The following MTCL1 variants were observed in gnomAD, a reference collection of about 807,000 sequenced individuals.
MTCL1 encodes the protein microtubule crosslinking factor 1.
MTCL1 carries 79 observed loss-of-function variants against 141.4 expected under a neutral mutation model. The ratio of observed to expected loss-of-function variants is 0.56; its 90% confidence interval spans 0.47 to 0.67. MTCL1 has a LOEUF of 0.67. Ranked by LOEUF, MTCL1 falls within the 30% of genes least tolerant of loss-of-function variation. The probability of loss-of-function intolerance (pLI) is 0.00; values close to 1 mark genes in which losing one functional copy is unlikely to be tolerated. For missense variants in MTCL1, 2,177 were observed against 2,113.9 expected (o/e 1.03, Z -0.59); for synonymous variants, 914 against 875.8 (o/e 1.04, Z -0.77).
At chr18:8,790,125 C>CT (rs1367870289) in intron 7 of MTCL1, among the ~76,000 whole-genome samples, 1 of 152,220 alleles carries the variant, frequency 6.6e-6, no homozygotes, top group African/African-American at 2.4e-5. Flanking sequence ...CCCCAGTGAA[C>CT]TGGCTCAAGG....
chr18:8,733,785 G>T (rs1182473692), intron 4 of MTCL1, among the ~76,000 whole-genome samples: 1 of 152,116 alleles, frequency 6.6e-6, no homozygotes, highest in Non-Finnish European at 1.5e-5. Flanking sequence ...GGTGGGAGTG[G>T]GCCGGCCAGC....
chr18:8,776,441 C>T (rs1598605843), intron 4 of MTCL1, among the ~76,000 whole-genome samples: 1 of 152,286 alleles, frequency 6.6e-6, no homozygotes, highest in Non-Finnish European at 1.5e-5. Context: ...CCTCTAGGCC[C>T]CTTCACTCAT....
intron 10 of MTCL1, among the ~76,000 whole-genome samples, chr18:8,798,770 A>C (rs2076014525): frequency 6.6e-6 from 1 of 152,256 alleles, no homozygotes; most frequent in African/African-American, 2.4e-5. Flanking sequence ...ATGTATAAAG[A>C]GAGGTGAGAC....
intron 7 of MTCL1, 23 bp downstream of exon 6, chr18:8,786,114 C>T (rs1252164186): frequency 1.4e-5 from 20 of 1,387,364 alleles, no homozygotes; most frequent in Admixed American, 5.1e-5. Flanking sequence ...AAGCAATCCC[C>T]CCCCCCCGCC....
rs1192730898 is a variant in MTCL1, at chr18:8,732,194, C to T, written c.357+11698C>T. Reference sequence around the variant, plus strand: ...TGACCTCTTGGGCTCAAGGGATCTTCCTGCCTCACCCTCCCGAGTAGCTGA... The same window carrying T: ...TGACCTCTTGGGCTCAAGGGATCTTTCTGCCTCACCCTCCCGAGTAGCTGA... On this transcript the variant is annotated intron_variant, in intron 4 of 16. Coordinates refer to ENST00000359865, the Ensembl canonical transcript of MTCL1. Among the ~76,000 whole-genome samples, 6 of 152,266 alleles carry T rather than the reference C, an allele frequency of 3.9e-5. No homozygotes were observed. In the East Asian group the frequency reaches 1.2e-3, roughly 29 times the overall value.
At chr18:8,764,235 T>G in intron 4 of MTCL1, among the ~76,000 whole-genome samples, 1 of 152,180 alleles carries the variant, frequency 6.6e-6, no homozygotes, top group Non-Finnish European at 1.5e-5. Context: ...AGGGTAATAT[T>G]GCTTTTTATG....
chr18:8,722,421 A>G (rs2096179405), intron 4 of MTCL1, among the ~76,000 whole-genome samples: 1 of 152,174 alleles, frequency 6.6e-6, no homozygotes, highest in Non-Finnish European at 1.5e-5. Flanking sequence ...AATAATGTAT[A>G]TAGCTTTTGA....
chr18:8,708,176 T>G (rs2096068053), intron 1 of MTCL1, among the ~76,000 whole-genome samples: 1 of 152,220 alleles, frequency 6.6e-6, no homozygotes, highest in African/African-American at 2.4e-5. Flanking sequence ...CTTGTTGTTT[T>G]TGTATCCCTG....
rs1432706118 is a variant in MTCL1, at chr18:8,810,821, AC to A, written c.2605-2156del. 6.6e-6 allele frequency among the ~76,000 whole-genome samples: 1 copy of A among 152,138 alleles called. No individual in the cohort carries two copies. Among genetic ancestry groups the A allele is most frequent in the Non-Finnish European group, 1.5e-5 (1 of 68,026 alleles). On this transcript the variant is annotated intron_variant, in intron 11 of 16. Coordinates refer to ENST00000359865, the Ensembl canonical transcript of MTCL1. The surrounding 1 kb of genome is among the most constrained non-coding windows in gnomAD (Gnocchi z 5.0). The stretch of plus-strand genomic sequence containing the variant: ...TATAAATAATTGATCAAGAAGCGTC[AC>A]CACTGACCTGTGCCCGTGGCTGTCA...
intron 4 of MTCL1, among the ~76,000 whole-genome samples, chr18:8,771,186 G>A (rs1355920479): frequency 6.6e-6 from 1 of 151,964 alleles, no homozygotes; most frequent in Non-Finnish European, 1.5e-5. Context: ...ATGGGGTCTC[G>A]CAATGTTGCT....
intron 4 of MTCL1, among the ~76,000 whole-genome samples, chr18:8,736,899 G>A (rs927751197): frequency 1.3e-5 from 2 of 152,036 alleles, no homozygotes; most frequent in South Asian, 4.1e-4. Flanking sequence ...CACGGCCTCC[G>A]AAAGTGCTAG....
At chr18:8,784,761 C>G in exon 6 of MTCL1, 1 of 1,614,178 alleles carries the variant, frequency 6.2e-7, no homozygotes, top group Non-Finnish European at 8.5e-7. Context: ...ACAGAGTCCT[C>G]TAGCTTCCTC....
intron 4 of MTCL1, among the ~76,000 whole-genome samples, chr18:8,725,791 T>C (rs373587872): frequency 9.1e-5 from 1 of 11,026 alleles, no homozygotes; most frequent in Non-Finnish European, 1.6e-4. Flanking sequence ...TTTTTTTTTC[T>C]TTTTTTTTTT....
At chr18:8,717,166 G>T (rs2096133988), upstream of MTCL1, among the ~76,000 whole-genome samples, 1 of 152,200 alleles carries the variant, frequency 6.6e-6, no homozygotes, top group Admixed American at 6.5e-5. Flanking sequence ...AGACAAGCTT[G>T]CTCCCCTCTG....
intron 11 of MTCL1, 36 bp from the exon 11 acceptor site, chr18:8,812,943 C>A: frequency 6.3e-7 from 1 of 1,584,030 alleles, no homozygotes; most frequent in South Asian, 1.2e-5. Context: ...CAAGACTTGT[C>A]AGAGAGGGAA....
At chr18:8,731,284 T>A (rs2096249251) in intron 4 of MTCL1, among the ~76,000 whole-genome samples, 1 of 150,250 alleles carries the variant, frequency 6.7e-6, no homozygotes, top group African/African-American at 2.5e-5. Flanking sequence ...ATAATGATAA[T>A]TAAAATAGGC....
exon 4 of MTCL1, chr18:8,720,481 G>A (rs1291990089): frequency 6.2e-7 from 1 of 1,613,982 alleles, no homozygotes; most frequent in Admixed American, 1.7e-5. Flanking sequence ...AGAATGAGCT[G>A]GAGAGACTGA....
chr18:8,831,460 T>A (rs1205811998), intron 16 of MTCL1, 147 bp from the exon 15 acceptor site: 2 of 1,441,612 alleles, frequency 1.4e-6, no homozygotes, highest in African/African-American at 2.9e-5. Context: ...TTATTCTGCA[T>A]GAGCATAGAA....
chr18:8,788,161 C>A (rs1012158150), intron 7 of MTCL1, among the ~76,000 whole-genome samples: 1 of 152,190 alleles, frequency 6.6e-6, no homozygotes, highest in South Asian at 2.1e-4. Flanking sequence ...CAGACCCCGC[C>A]GGACTAACTG....
Sources: gnomAD v4.1 joint callset for allele counts (sites outside exome capture counted in the v4.1 genomes callset) on GRCh38, gnomAD v4.1.1 for gene constraint, Gnocchi (gnomAD v3.1) non-coding constraint, MANE v1.5 for transcripts, NCBI Gene and HGNC (gene_info 2026-07-23, HGNC 2026-07-21) for gene names.